The following TCP10L variants were observed in gnomAD, a reference collection of about 807,000 sequenced individuals.
TCP10L encodes T-complex protein 10A homolog 1.
A neutral mutation model predicts 19.2 loss-of-function variants in TCP10L; 11 were observed. The observed-to-expected ratio is 0.57, with a 90% CI of 0.36 to 0.95. TCP10L has a LOEUF of 0.95. Ranked by LOEUF, TCP10L falls within the 40% of genes least tolerant of loss-of-function variation. TCP10L has a pLI of 0.01. For missense variants in TCP10L, 247 were observed against 263.9 expected (o/e 0.94, Z 0.44); for synonymous variants, 96 against 97.2 (o/e 0.99, Z 0.07).
Position 32,582,556 on chromosome 21 carries a change from A to G in TCP10L, c.145-141T>C. The G allele has an allele frequency of 4.3e-6, 3 of 690,000 alleles. No individual in the cohort carries two copies. The highest frequency in any genetic ancestry group is 7.2e-6 in the Non-Finnish European group (3 of 416,582). The allele number at this position is 690,000 out of a possible 1,614,324, so 42.7% of individuals were successfully genotyped here. ...GACACCCGATGAGATAAACAGGACT[A>G]CCACAGCCTTTTTCTTTCTTCTTTC... is the stretch of plus-strand genomic sequence containing the variant. On this transcript the variant is annotated intron_variant, in intron 2 of 4. Coordinates refer to ENST00000300258, the MANE Select transcript of TCP10L (RefSeq NM_144659.7). The surrounding 1 kb of genome is among the most constrained non-coding windows in gnomAD (Gnocchi z 4.2).
Position 32,582,229 on chromosome 21 carries a change from G to C in TCP10L, c.331C>G (p.Pro111Ala). Residue 111 changes from proline (P) to alanine (A), a missense_variant, in exon 3 of 5, where the codon CCA (proline) becomes GCA (alanine). By Grantham distance (27) the Pro-to-Ala change is conservative. Coordinates refer to ENST00000300258, the MANE Select transcript of TCP10L (RefSeq NM_144659.7). This position sits in a 1 kb window ranked among gnomAD's most constrained non-coding sequence, Gnocchi z 4.2. ...GTGTGCGATTCTTGCCCCGCGTGTG[G>C]GGACGCTGCAGATTTCTTCCTGGCT... The part of the protein sequence containing the change: ...WKARKKSAAS[P>A]HAGQESHTLA... 1 of 1,614,180 alleles carries C rather than the reference G, an allele frequency of 6.2e-7. No homozygotes were observed. Among genetic ancestry groups the C allele is most frequent in the Non-Finnish European group, 8.5e-7 (1 of 1,180,030 alleles).
In TCP10L at chr21:32,582,906, TA is replaced by T. The variant is rs1167048814; in HGVS notation, c.145-492del. ...CCATGCCTGGCCATAGCTTTATTCT[TA>T]TTAAGTAGTGTTTATTATGAGTTAG... On this transcript the variant is annotated intron_variant, in intron 2 of 4. Coordinates refer to ENST00000300258, the MANE Select transcript of TCP10L (RefSeq NM_144659.7). The surrounding 1 kb of genome is among the most constrained non-coding windows in gnomAD (Gnocchi z 4.2). 6.6e-6 allele frequency among the ~76,000 whole-genome samples: 1 copy of T among 152,118 alleles called. No homozygotes were observed. The highest frequency in any genetic ancestry group is 2.4e-5 in the African/African-American group (1 of 41,422).
At chr21:32,583,859 C>T (rs2038526803) in intron 2 of TCP10L, among the ~76,000 whole-genome samples, 1 of 152,182 alleles carries the variant, frequency 6.6e-6, no homozygotes, top group Admixed American at 6.5e-5. Context: ...TGAGGCATGT[C>T]AACTTTCTGA....
At position 32,578,405 on chromosome 21, in the gene TCP10L, G is replaced by A. The variant is rs980098530; in HGVS notation, c.498+289C>T. Among the ~76,000 whole-genome samples, 31 of 152,338 alleles carry A rather than the reference G, an allele frequency of 2.0e-4. No individual in the cohort carries two copies. Among genetic ancestry groups the A allele is most frequent in the Middle Eastern group, 3.4e-3 (1 of 294 alleles). ...CATCACCTCCGCAGCCTGCACCCAC[G>A]GAAACAAAGCCCCCAAGTCCCCTCG... On this transcript the variant is annotated intron_variant, in intron 4 of 4. Transcript: ENST00000300258. The surrounding 1 kb of genome is among the most constrained non-coding windows in gnomAD (Gnocchi z 4.2).
intron 4 of TCP10L, chr21:32,577,765 GACA>G: frequency 6.6e-6 from 1 of 152,330 alleles, no homozygotes; most frequent in South Asian, 2.1e-4. Flanking sequence ...AGGAATTAAA[GACA>G]TACGCACGGA....
At position 32,574,936 on chromosome 21, in the gene TCP10L, ACT is replaced by A. The variant is rs2038414619; in HGVS notation, c.*1836_*1837del. The A allele has an allele frequency of 6.6e-6, 1 of 152,230 alleles. No homozygotes were observed. Among genetic ancestry groups the A allele is most frequent in the Admixed American group, 6.5e-5 (1 of 15,286 alleles). 9.4% of individuals were successfully genotyped at this position (152,230 alleles called of 1,614,324 possible). ...TCAGGAGATTCACGGATGGAAAGGC[ACT>A]GTCTTGGCCCTGAAGCTGCTCACAG... On this transcript the variant is annotated 3_prime_UTR_variant, in exon 5 of 5. Transcript: ENST00000300258.
In TCP10L at chr21:32,582,096, G is replaced by T. The variant is rs755173214; in HGVS notation, c.360+104C>A. The T allele has an allele frequency of 2.1e-5, 28 of 1,310,906 alleles. No individual in the cohort carries two copies. The highest frequency in any genetic ancestry group is 3.0e-5 in the Non-Finnish European group (28 of 936,602). 81.2% of individuals were successfully genotyped at this position (1,310,906 alleles called of 1,614,324 possible). On this transcript the variant is annotated intron_variant, in intron 3 of 4. Transcript: ENST00000300258. The surrounding 1 kb of genome is among the most constrained non-coding windows in gnomAD (Gnocchi z 4.2). ...ATAGCAACCCCTCCCACCACCCGGA[G>T]CGTGAGTGATACCGCGTCATTCAGC...
Position 32,574,261 on chromosome 21 carries a change from T to A in TCP10L, c.*2513A>T, listed in dbSNP as rs2038406860. The A allele has an allele frequency of 6.6e-6, 1 of 152,218 alleles. No homozygotes were observed. Among genetic ancestry groups the A allele is most frequent in the South Asian group, 2.1e-4 (1 of 4,808 alleles). 9.4% of individuals were successfully genotyped at this position (152,218 alleles called of 1,614,324 possible). Reference sequence around the variant, plus strand: ...GTCTATTAATGTCAATTGAGAACTGTAAATCAAAATGATAAAAAATGAAAC... The same window carrying A: ...GTCTATTAATGTCAATTGAGAACTGAAAATCAAAATGATAAAAAATGAAAC... On this transcript the variant is annotated 3_prime_UTR_variant, in exon 5 of 5. Coordinates refer to ENST00000300258, the MANE Select transcript of TCP10L (RefSeq NM_144659.7).
In TCP10L at chr21:32,576,361, G is replaced by T; in HGVS notation, c.*413C>A. 8 of 1,337,094 alleles carry T rather than the reference G, an allele frequency of 6.0e-6. No homozygotes were observed. The highest frequency in any genetic ancestry group is 8.3e-6 in the Non-Finnish European group (8 of 965,418). 82.8% of individuals were successfully genotyped at this position (1,337,094 alleles called of 1,614,324 possible). A position where few individuals can be genotyped will look rare whatever the true frequency, so the allele number is the denominator to read the frequency against. ...CAGTCACAGGCCCGCCTTGTCACAA[G>T]GTCCCTGGAGCGGGCAATGCCTTGA... On this transcript the variant is annotated 3_prime_UTR_variant, in exon 5 of 5. Coordinates refer to ENST00000300258, the MANE Select transcript of TCP10L (RefSeq NM_144659.7).
At chr21:32,584,995 C>T (rs1451221962) in intron 1 of TCP10L, among the ~76,000 whole-genome samples, 1 of 152,186 alleles carries the variant, frequency 6.6e-6, no homozygotes, top group Non-Finnish European at 1.5e-5. Context: ...AGCTTTCCTG[C>T]AAGCCTGCAG....
chr21:32,581,661 G>T (rs549290306), intron 3 of TCP10L, among the ~76,000 whole-genome samples: 3 of 152,272 alleles, frequency 2.0e-5, no homozygotes, highest in Non-Finnish European at 4.4e-5. Flanking sequence ...CTGCGAGGGG[G>T]ACAAGGGAAC....
rs530853426 is a variant in TCP10L, at chr21:32,578,342, C to A, written c.498+352G>T. 6.6e-6 allele frequency among the ~76,000 whole-genome samples: 1 copy of A among 152,236 alleles called. No individual in the cohort carries two copies. The highest frequency in any genetic ancestry group is 1.5e-5 in the Non-Finnish European group (1 of 68,048). On this transcript the variant is annotated intron_variant, in intron 4 of 4. Coordinates refer to ENST00000300258, the MANE Select transcript of TCP10L (RefSeq NM_144659.7). This position sits in a 1 kb window ranked among gnomAD's most constrained non-coding sequence, Gnocchi z 4.2. ...CAGAAGCAGGGAGCACGGGAGGCTG[C>A]GAGCCCTCAGACTCACGGGTGGAGA...
Position 32,578,863 on chromosome 21 carries a change from A to C in TCP10L, c.361-32T>G, listed in dbSNP as rs1465628342. On this transcript the variant is annotated intron_variant, in intron 3 of 4. Transcript: ENST00000300258. This position sits in a 1 kb window ranked among gnomAD's most constrained non-coding sequence, Gnocchi z 4.2. ...GACAAAATGCAGGGAAATTCTTCAC[A>C]TTTTCGAAGGTAAAATAAATTCAAA... is the stretch of plus-strand genomic sequence containing the variant. The C allele has an allele frequency of 6.2e-7, 1 of 1,612,900 alleles. No homozygotes were observed. The highest frequency in any genetic ancestry group is 8.5e-7 in the Non-Finnish European group (1 of 1,179,744).
At chr21:32,580,721 T>C (rs772865551) in intron 3 of TCP10L, among the ~76,000 whole-genome samples, 1 of 152,176 alleles carries the variant, frequency 6.6e-6, no homozygotes, top group African/African-American at 2.4e-5. Context: ...TTTAGATCCA[T>C]ATGCAGGAAA....
chr21:32,574,926 A>T lies in TCP10L; in HGVS notation c.*1848T>A, dbSNP rs1471982033. ...TTCTGATGGATCAGGAGATTCACGG[A>T]TGGAAAGGCACTGTCTTGGCCCTGA... is the stretch of plus-strand genomic sequence containing the variant. On this transcript the variant is annotated 3_prime_UTR_variant, in exon 5 of 5. Coordinates refer to ENST00000300258, the MANE Select transcript of TCP10L (RefSeq NM_144659.7). The T allele has an allele frequency of 6.6e-6, 1 of 152,242 alleles. No individual in the cohort carries two copies. Among genetic ancestry groups the T allele is most frequent in the Non-Finnish European group, 1.5e-5 (1 of 68,040 alleles). The allele number at this position is 152,242 out of a possible 1,614,324, so 9.4% of individuals were successfully genotyped here. A position where few individuals can be genotyped will look rare whatever the true frequency, so the allele number is the denominator to read the frequency against.
intron 3 of TCP10L, among the ~76,000 whole-genome samples, chr21:32,579,673 G>A (rs2038470653): frequency 6.6e-6 from 1 of 152,170 alleles, no homozygotes; most frequent in Non-Finnish European, 1.5e-5. Context: ...CAAAATAAGA[G>A]AATGATCAAA....
Position 32,584,178 on chromosome 21 carries a change from T to A in TCP10L, c.127A>T (p.Asn43Tyr), listed in dbSNP as rs1160582435. The A allele has an allele frequency of 1.2e-6, 2 of 1,613,832 alleles. No individual in the cohort carries two copies. The highest frequency in any genetic ancestry group is 1.7e-6 in the Non-Finnish European group (2 of 1,179,864). ...CAACTCACTGGCATCTCCCCAGTGT[T>A]GCAGTCCTCCGTGAGAACCTCGGCT... ...VAAEVLTEDCNTGEMPPLQQQ... is the reference protein window; with the variant it reads ...VAAEVLTEDCYTGEMPPLQQQ... Residue 43 changes from asparagine to tyrosine, a missense_variant, in exon 2 of 5, where the codon AAC becomes TAC. Coordinates refer to ENST00000300258, the MANE Select transcript of TCP10L (RefSeq NM_144659.7).
intron 3 of TCP10L, among the ~76,000 whole-genome samples, chr21:32,579,929 C>T (rs900283531): frequency 6.6e-6 from 1 of 152,142 alleles, no homozygotes; most frequent in African/African-American, 2.4e-5. Flanking sequence ...TCTGCTCTTC[C>T]TTCCGCAGAA....
In TCP10L at chr21:32,573,934, T is replaced by C. The variant is rs993263540; in HGVS notation, c.*2840A>G. Among the ~76,000 whole-genome samples, 3 of 152,044 alleles carry C rather than the reference T, an allele frequency of 2.0e-5. No individual in the cohort carries two copies. Among genetic ancestry groups the C allele is most frequent in the Non-Finnish European group, 2.9e-5 (2 of 68,004 alleles). On this transcript the variant is annotated 3_prime_UTR_variant, in exon 5 of 5. Coordinates refer to ENST00000300258, the MANE Select transcript of TCP10L (RefSeq NM_144659.7). The stretch of plus-strand genomic sequence containing the variant: ...CCCTGAGGCTTCCAGGCAAACCCAT[T>C]AGCTGGATCCCCAAACAAAATAAAA...
Sources: gnomAD v4.1 joint callset for allele counts (sites outside exome capture counted in the v4.1 genomes callset) on GRCh38, gnomAD v4.1.1 for gene constraint, Gnocchi (gnomAD v3.1) non-coding constraint, MANE v1.5 for transcripts, NCBI Gene and HGNC (gene_info 2026-07-23, HGNC 2026-07-21) for gene names.